The following GALNTL6 variants were observed in gnomAD, a reference collection of about 807,000 sequenced individuals.
The protein encoded by GALNTL6 is polypeptide N-acetylgalactosaminyltransferase like 6, also known as polypeptide N-acetylgalactosaminyltransferase-like 6.
GALNTL6 carries 46 observed loss-of-function variants against 73.7 expected under a neutral mutation model. The observed-to-expected ratio is 0.62, with a 90% confidence interval of 0.49 to 0.80. The LOEUF (loss-of-function observed/expected upper bound fraction) is 0.80, where lower values mean the gene tolerates loss of function less well. GALNTL6 is among the 30% of genes least tolerant of loss of function. GALNTL6 has a pLI of 0.00. For missense variants in GALNTL6, 604 were observed against 755.0 expected (o/e 0.80, Z 2.34); for synonymous variants, 259 against 263.7 (o/e 0.98, Z 0.17).
intron 4 of GALNTL6, among the ~76,000 whole-genome samples, chr4:172,318,931 G>T (rs368710961): frequency 2.0e-5 from 3 of 152,006 alleles, no homozygotes; most frequent in South Asian, 2.1e-4. Flanking sequence ...AACTGAAAGC[G>T]TAGGTTTGAG....
intron 5 of GALNTL6, among the ~76,000 whole-genome samples, chr4:172,716,224 C>A (rs1489171849): frequency 6.6e-6 from 1 of 152,130 alleles, no homozygotes; most frequent in Non-Finnish European, 1.5e-5. Flanking sequence ...AAAACCCACA[C>A]AACAATAGCT....
chr4:171,971,856 T>A (rs1739579601), intron 2 of GALNTL6, among the ~76,000 whole-genome samples: 1 of 152,148 alleles, frequency 6.6e-6, no homozygotes, highest in South Asian at 2.1e-4. Context: ...GTAAGCCTGT[T>A]GGCTGTGTGT....
At chr4:172,341,777 A>C (rs1741575966) in intron 4 of GALNTL6, among the ~76,000 whole-genome samples, 1 of 152,162 alleles carries the variant, frequency 6.6e-6, no homozygotes, top group South Asian at 2.1e-4. Flanking sequence ...ACCATACGGA[A>C]CAGTAAGTCC....
intron 2 of GALNTL6, among the ~76,000 whole-genome samples, chr4:171,880,243 GTTTAT>G (rs1736400083): frequency 6.6e-6 from 1 of 152,162 alleles, no homozygotes; most frequent in Non-Finnish European, 1.5e-5. Context: ...GCTGTGCTAT[GTTTAT>G]TACTGTACTA....
intron 3 of GALNTL6, among the ~76,000 whole-genome samples, chr4:172,295,288 A>G (rs961364403): frequency 1.3e-5 from 2 of 151,934 alleles, no homozygotes; most frequent in East Asian, 3.9e-4. Flanking sequence ...CAGGCATGGT[A>G]GCTGATGCCT....
intron 3 of GALNTL6, among the ~76,000 whole-genome samples, chr4:172,278,575 T>G (rs1738915061): frequency 6.6e-6 from 1 of 152,172 alleles, no homozygotes; most frequent in Non-Finnish European, 1.5e-5. Flanking sequence ...GGATCCTGTG[T>G]TATCCTTTTG....
chr4:171,944,734 G>A (rs1440326623), intron 2 of GALNTL6, among the ~76,000 whole-genome samples: 2 of 151,688 alleles, frequency 1.3e-5, no homozygotes, highest in Admixed American at 6.6e-5. Flanking sequence ...TATCCTGTAT[G>A]CATTTCTTCA....
At chr4:172,869,135 A>G (rs755938092) in intron 7 of GALNTL6, among the ~76,000 whole-genome samples, 44 of 152,352 alleles carry the variant, frequency 2.9e-4, no homozygotes, top group African/African-American at 6.3e-4. Context: ...TAAAAAGCAG[A>G]AAGTGTGGGT....
intron 2 of GALNTL6, among the ~76,000 whole-genome samples, chr4:172,115,673 G>A (rs762334392): frequency 4.6e-5 from 7 of 151,914 alleles, no homozygotes; most frequent in Non-Finnish European, 1.0e-4. Context: ...GAGTAATTAC[G>A]GGAATGACAT....
chr4:171,822,331 T>A (rs1333159532), intron 2 of GALNTL6, among the ~76,000 whole-genome samples: 1 of 152,234 alleles, frequency 6.6e-6, no homozygotes, highest in African/African-American at 2.4e-5. Flanking sequence ...GGGTTGGCAT[T>A]AAGCAAAGGG....
At chr4:172,133,294 T>C (rs1733549752) in intron 2 of GALNTL6, among the ~76,000 whole-genome samples, 1 of 152,222 alleles carries the variant, frequency 6.6e-6, no homozygotes, top group Non-Finnish European at 1.5e-5. Flanking sequence ...AGAGAATCCA[T>C]AGAACTGGTT....
intron 7 of GALNTL6, among the ~76,000 whole-genome samples, chr4:172,843,670 A>C (rs552708136): frequency 2.0e-5 from 3 of 152,316 alleles, no homozygotes; most frequent in East Asian, 3.9e-4. Context: ...GCTGTTCCAA[A>C]ACTTTAAAAT....
intron 2 of GALNTL6, among the ~76,000 whole-genome samples, chr4:171,968,256 A>G (rs1428137170): frequency 1.3e-5 from 2 of 152,112 alleles, no homozygotes; most frequent in Non-Finnish European, 2.9e-5. Flanking sequence ...ACTTCACACA[A>G]CAGAAGTGTA....
At chr4:172,614,751 T>C (rs949301528) in intron 5 of GALNTL6, among the ~76,000 whole-genome samples, 3 of 152,144 alleles carry the variant, frequency 2.0e-5, no homozygotes, top group African/African-American at 7.2e-5. Flanking sequence ...TCTTAAAAGA[T>C]GAGGGAAGCA....
At chr4:172,969,589 G>A (rs151108118) in intron 10 of GALNTL6, among the ~76,000 whole-genome samples, 167 of 152,298 alleles carry the variant, frequency 1.1e-3, no homozygotes, top group African/African-American at 3.5e-3. Context: ...GAATGAATCA[G>A]ACTTTGAAGT....
chr4:172,759,329 C>A (rs1737932708), intron 5 of GALNTL6, among the ~76,000 whole-genome samples: 1 of 152,172 alleles, frequency 6.6e-6, no homozygotes, highest in Non-Finnish European at 1.5e-5. Flanking sequence ...GTAGGTGTGA[C>A]CATGTTCATA....
chr4:172,605,179 G>T (rs1738206900), intron 5 of GALNTL6, among the ~76,000 whole-genome samples: 1 of 152,162 alleles, frequency 6.6e-6, no homozygotes, highest in South Asian at 2.1e-4. Context: ...TTCAGCAGTT[G>T]CCTTTCTTGT....
chr4:172,426,729 G>A (rs1275716591), intron 5 of GALNTL6, among the ~76,000 whole-genome samples: 1 of 152,062 alleles, frequency 6.6e-6, no homozygotes, highest in African/African-American at 2.4e-5. Context: ...ACCTTATATT[G>A]AATGTTGATT....
chr4:172,351,098 T>TCTA (rs1554016376), intron 5 of GALNTL6, among the ~76,000 whole-genome samples: 3 of 152,154 alleles, frequency 2.0e-5, no homozygotes, highest in East Asian at 3.8e-4. Context: ...CACCAAATAC[T>TCTA]CTACTACTAC....
Sources: allele counts gnomAD v4.1 joint callset (sites outside exome capture counted in the v4.1 genomes callset), GRCh38; gene constraint gnomAD v4.1.1; transcripts MANE v1.5; gene names NCBI Gene and HGNC (gene_info 2026-07-23, HGNC 2026-07-21).